The following LARGE1 variants were observed in gnomAD, a reference collection of about 807,000 sequenced individuals.
LARGE1 encodes the protein LARGE xylosyl- and glucuronyltransferase 1, also known as xylosyl- and glucuronyltransferase LARGE1.
In LARGE1, 43 loss-of-function variants were observed where a neutral mutation model predicts 87.6. That is an observed-to-expected ratio of 0.49 (90% CI 0.38 to 0.63). The LOEUF (loss-of-function observed/expected upper bound fraction) is 0.63, where lower values mean the gene tolerates loss of function less well. LARGE1 is among the 30% of genes least tolerant of loss of function. The pLI is 0.00. For missense variants in LARGE1, 802 were observed against 1,000.2 expected (o/e 0.80, Z 2.67); for synonymous variants, 434 against 394.6 (o/e 1.10, Z -1.18).
the LARGE1 span, among the ~76,000 whole-genome samples, chr22:33,069,813 A>C: frequency 7.8e-6 from 1 of 127,998 alleles, no homozygotes; most frequent in East Asian, 2.3e-4. Flanking sequence ...CTGTTATTAC[A>C]TTCTTTTTTT....
In LARGE1 at chr22:33,316,333, C is replaced by T. The variant is rs1484722231; in HGVS notation, c.1288-85G>A. On this transcript the variant is annotated intron_variant, in intron 10 of 14. Coordinates refer to ENST00000397394, the MANE Select transcript of LARGE1 (RefSeq NM_133642.5). ...CTTGCCCCTTGAGCCCTGCCCTCCCCTGAGTTTATTACCCATCAGGACGTT... is the reference window on the plus strand; with the variant it reads ...CTTGCCCCTTGAGCCCTGCCCTCCCTTGAGTTTATTACCCATCAGGACGTT... 5 of 1,368,740 alleles carry T rather than the reference C, an allele frequency of 3.7e-6. No individual in the cohort carries two copies. The African/African-American group carries it at 5.7e-5, about 16-fold the overall frequency. 84.8% of individuals were successfully genotyped at this position (1,368,740 alleles called of 1,614,324 possible).
At chr22:33,677,640 A>G (rs1817512928) in intron 2 of LARGE1, among the ~76,000 whole-genome samples, 1 of 152,040 alleles carries the variant, frequency 6.6e-6, no homozygotes, top group Admixed American at 6.6e-5. Flanking sequence ...GGTTTGCAGC[A>G]TTCTCTCTTT....
intron 8 of LARGE1, among the ~76,000 whole-genome samples, chr22:33,382,412 C>T (rs930240899): frequency 2.0e-5 from 3 of 152,164 alleles, no homozygotes; most frequent in Admixed American, 6.5e-5. Flanking sequence ...TGTTACCCAT[C>T]CTGAGCCTCC....
At chr22:33,257,916 A>G (rs976498504) in intron 11 of LARGE1, among the ~76,000 whole-genome samples, 3 of 152,134 alleles carry the variant, frequency 2.0e-5, no homozygotes, top group Admixed American at 2.0e-4. Flanking sequence ...CAAACAAATC[A>G]CTGCACAAAC....
chr22:33,680,757 A>G (rs556020999), intron 2 of LARGE1, among the ~76,000 whole-genome samples: 15 of 152,218 alleles, frequency 9.9e-5, no homozygotes, highest in East Asian at 1.9e-4. Flanking sequence ...AAGGCAAGTC[A>G]TTATTTCAAC....
chr22:33,456,764 C>T (rs1439439904), intron 6 of LARGE1, among the ~76,000 whole-genome samples: 1 of 152,166 alleles, frequency 6.6e-6, no homozygotes, highest in African/African-American at 2.4e-5. Context: ...GAAGCAGCTG[C>T]AACTCTGAGC....
chr22:33,680,511 C>A (rs2081730686), intron 2 of LARGE1, among the ~76,000 whole-genome samples: 1 of 152,002 alleles, frequency 6.6e-6, no homozygotes, highest in Non-Finnish European at 1.5e-5. Flanking sequence ...ATTGATCAGC[C>A]TTTATTTTTA....
At chr22:33,205,497 GAGA>G (rs1924629992) in intron 11 of LARGE1, among the ~76,000 whole-genome samples, 1 of 152,194 alleles carries the variant, frequency 6.6e-6, no homozygotes, top group Non-Finnish European at 1.5e-5. Context: ...TAAATAAAAA[GAGA>G]GTTTCAGTGT....
chr22:33,529,909 G>GT (rs1297888047), intron 6 of LARGE1, among the ~76,000 whole-genome samples: 6 of 152,162 alleles, frequency 3.9e-5, no homozygotes, highest in African/African-American at 1.4e-4. Context: ...AGAACCATGT[G>GT]TTTGTGTTTT....
the LARGE1 span, among the ~76,000 whole-genome samples, chr22:33,092,434 T>C: frequency 3.9e-5 from 6 of 152,174 alleles, no homozygotes; most frequent in Admixed American, 1.3e-4. Flanking sequence ...AAGTGTGGAC[T>C]TCTTTTCTTT....
intron 1 of LARGE1, among the ~76,000 whole-genome samples, chr22:33,817,177 A>G (rs955315496): frequency 2.0e-5 from 3 of 152,176 alleles, no homozygotes; most frequent in East Asian, 3.9e-4. Context: ...TCTGCCAGGC[A>G]CACAAGTTTC....
At chr22:33,778,402 G>A (rs564781797) in intron 1 of LARGE1, among the ~76,000 whole-genome samples, 37 of 152,230 alleles carry the variant, frequency 2.4e-4, no homozygotes, top group African/African-American at 7.7e-4. Context: ...GTACATTCAC[G>A]ATGTTGAGCA....
intron 1 of LARGE1, among the ~76,000 whole-genome samples, chr22:33,854,212 G>GAAAAA (rs67771177): frequency 1.1e-4 from 8 of 72,716 alleles, no homozygotes; most frequent in Admixed American, 1.8e-4. Flanking sequence ...CACTTAAGGG[G>GAAAAA]AAAAAAAAAA....
At chr22:33,741,146 CTG>C (rs2145525448) in intron 2 of LARGE1, among the ~76,000 whole-genome samples, 1 of 152,326 alleles carries the variant, frequency 6.6e-6, no homozygotes, top group East Asian at 1.9e-4. Flanking sequence ...AAGCAGCACT[CTG>C]AGCACGAAGG....
At chr22:33,820,482 C>T (rs543651356) in intron 1 of LARGE1, among the ~76,000 whole-genome samples, 33 of 151,828 alleles carry the variant, frequency 2.2e-4, no homozygotes, top group African/African-American at 4.1e-4. Flanking sequence ...CCACCATGCC[C>T]GGCTAATTTT....
intron 6 of LARGE1, among the ~76,000 whole-genome samples, chr22:33,524,152 G>T (rs765718178): frequency 1.3e-5 from 2 of 151,922 alleles, no homozygotes; most frequent in African/African-American, 4.8e-5. Context: ...TTAGCAGGGC[G>T]TGGTGGCACA....
the LARGE1 span, among the ~76,000 whole-genome samples, chr22:33,087,100 G>C: frequency 6.6e-6 from 1 of 151,780 alleles, no homozygotes; most frequent in Non-Finnish European, 1.5e-5. Flanking sequence ...GGGTCTCTTA[G>C]ATTTGTTCTG....
chr22:33,126,465 C>T, the LARGE1 span, among the ~76,000 whole-genome samples: 29 of 152,120 alleles, frequency 1.9e-4, no homozygotes, highest in African/African-American at 7.0e-4. Flanking sequence ...TTGTATCGTG[C>T]ATTGCTATTT....
intron 2 of LARGE1, among the ~76,000 whole-genome samples, chr22:33,761,029 A>G (rs1414294647): frequency 6.6e-6 from 1 of 152,160 alleles, no homozygotes; most frequent in Non-Finnish European, 1.5e-5. Context: ...GAATGAAAAG[A>G]TGGACCAACT....
Sources: allele counts gnomAD v4.1 joint callset (sites outside exome capture counted in the v4.1 genomes callset), GRCh38; gene constraint gnomAD v4.1.1; transcripts MANE v1.5; gene names NCBI Gene and HGNC (gene_info 2026-07-23, HGNC 2026-07-21).